UNC13C: variants seen among roughly 807,000 people sequenced by gnomAD.
The protein encoded by UNC13C is protein unc-13 homolog C.
UNC13C carries 174 observed loss-of-function variants against 245.4 expected under a neutral mutation model. That is an observed-to-expected ratio of 0.71 (90% CI 0.63 to 0.80). UNC13C has a LOEUF of 0.80. Among genes scored for constraint, UNC13C ranks in the 30% least tolerant of loss-of-function variants. UNC13C has a pLI of 0.00. For missense variants in UNC13C, 2,829 were observed against 2,602.9 expected (o/e 1.09, Z -1.89); for synonymous variants, 992 against 895.1 (o/e 1.11, Z -1.93).
At chr15:54,585,040 C>G (rs929723175) in intron 30 of UNC13C, among the ~76,000 whole-genome samples, 3 of 152,200 alleles carry the variant, frequency 2.0e-5, no homozygotes, top group East Asian at 3.8e-4. Flanking sequence ...CATTGGTTAT[C>G]CGATATGGGC....
At chr15:53,910,049 G>A in the UNC13C span, among the ~76,000 whole-genome samples, 2 of 144,178 alleles carry the variant, frequency 1.4e-5, no homozygotes, top group South Asian at 4.8e-4. Context: ...CTGGTGGTAG[G>A]GAAACTGTGC....
chr15:53,996,922 T>C (rs773386235), intron 1 of UNC13C, among the ~76,000 whole-genome samples: 1 of 152,044 alleles, frequency 6.6e-6, no homozygotes, highest in African/African-American at 2.4e-5. Flanking sequence ...TTATTTCTCA[T>C]GGGTGAGTAC....
chr15:54,301,689 T>A (rs2037587374), intron 13 of UNC13C, among the ~76,000 whole-genome samples: 2 of 152,330 alleles, frequency 1.3e-5, no homozygotes, highest in African/African-American at 4.8e-5. Context: ...AGTTTATCAT[T>A]GATGGGCATT....
chr15:54,455,028 C>CTCCCACTT (rs1370224068), intron 19 of UNC13C, among the ~76,000 whole-genome samples: 1 of 151,198 alleles, frequency 6.6e-6, no homozygotes, highest in African/African-American at 2.4e-5. Flanking sequence ...CATAGCTTAC[C>CTCCCACTT]TCCCACTTAT....
intron 8 of UNC13C, among the ~76,000 whole-genome samples, chr15:54,253,166 A>G (rs551119659): frequency 6.6e-6 from 1 of 152,340 alleles, no homozygotes; most frequent in South Asian, 2.1e-4. Flanking sequence ...AAGAGAGAGT[A>G]TGTCAAGTTA....
intron 1 of UNC13C, among the ~76,000 whole-genome samples, chr15:53,982,261 G>A (rs1157944611): frequency 2.0e-5 from 3 of 152,114 alleles, no homozygotes; most frequent in Non-Finnish European, 4.4e-5. Flanking sequence ...TCTGGTTCTT[G>A]AGAATCTGGG....
intron 2 of UNC13C, among the ~76,000 whole-genome samples, chr15:54,085,323 G>A (rs1899176688): frequency 6.6e-6 from 1 of 152,100 alleles, no homozygotes; most frequent in African/African-American, 2.4e-5. Flanking sequence ...ACTTTTGACA[G>A]GCCCTTAAAG....
chr15:53,896,846 T>C, the UNC13C span, among the ~76,000 whole-genome samples: 2 of 152,158 alleles, frequency 1.3e-5, no homozygotes, highest in African/African-American at 2.4e-5. Context: ...CTAAGGTGAA[T>C]AGAAACATCA....
the UNC13C span, among the ~76,000 whole-genome samples, chr15:53,933,854 G>T: frequency 6.6e-6 from 1 of 152,150 alleles, no homozygotes; most frequent in Non-Finnish European, 1.5e-5. Flanking sequence ...GAGAACTTCT[G>T]CAAGAATGAT....
chr15:53,981,647 C>CT (rs1372640098), intron 1 of UNC13C, among the ~76,000 whole-genome samples: 4 of 152,238 alleles, frequency 2.6e-5, no homozygotes, highest in Middle Eastern at 3.4e-3. Context: ...ATTAATAGCC[C>CT]TCTCAATCTG....
chr15:54,163,180 G>T (rs1396280848), intron 4 of UNC13C, among the ~76,000 whole-genome samples: 5 of 152,130 alleles, frequency 3.3e-5, no homozygotes, highest in African/African-American at 1.2e-4. Context: ...TAATTACAAA[G>T]GTCCTAATGA....
the UNC13C span, among the ~76,000 whole-genome samples, chr15:53,839,225 A>G: frequency 6.6e-6 from 1 of 151,942 alleles, no homozygotes; most frequent in South Asian, 2.1e-4. Flanking sequence ...CCATCCCCCA[A>G]TTAGGACTCA....
At chr15:54,275,699 G>T (rs1419612949) in intron 10 of UNC13C, among the ~76,000 whole-genome samples, 1 of 152,052 alleles carries the variant, frequency 6.6e-6, no homozygotes, top group Non-Finnish European at 1.5e-5. Flanking sequence ...AATTCTCATA[G>T]AACTGGAATT....
At chr15:54,229,231 C>T (rs569709555) in intron 4 of UNC13C, among the ~76,000 whole-genome samples, 74 of 152,314 alleles carry the variant, frequency 4.9e-4, no homozygotes, top group African/African-American at 1.8e-3. Flanking sequence ...GCCAAGGGAT[C>T]AGTGAGGGGT....
At position 54,308,653 on chromosome 15, in the gene UNC13C, C is replaced by T. The variant is rs184285674; in HGVS notation, c.4268+8280C>T. Among the ~76,000 whole-genome samples, 87 of 151,902 alleles carry T rather than the reference C, an allele frequency of 5.7e-4. 1 individual carries two copies. Among genetic ancestry groups the T allele is most frequent in the African/African-American group, 2.0e-3 (85 of 41,504 alleles). On this transcript the variant is annotated intron_variant, in intron 13 of 32. Transcript: ENST00000260323. The stretch of plus-strand genomic sequence containing the variant: ...GCTTTAACAAATATCTCCCAGCACC[C>T]ACCCTGCTAGCCAACTCCAGCTCCT...
At chr15:54,403,252 C>G (rs1222431411) in intron 18 of UNC13C, among the ~76,000 whole-genome samples, 10 of 152,056 alleles carry the variant, frequency 6.6e-5, no homozygotes. Flanking sequence ...ATGCTGATTT[C>G]AAGAGTTAAC....
At chr15:54,320,901 T>C in intron 13 of UNC13C, 1 of 338,574 alleles carries the variant, frequency 3.0e-6, no homozygotes, top group East Asian at 7.8e-5. Context: ...ATTGCCAAAA[T>C]TGTTGTAGCT....
At chr15:54,369,332 C>T (rs947863218) in intron 17 of UNC13C, among the ~76,000 whole-genome samples, 2 of 152,158 alleles carry the variant, frequency 1.3e-5, no homozygotes, top group African/African-American at 4.8e-5. Flanking sequence ...AAAAGCATTG[C>T]CTTTGCCGAA....
At chr15:54,536,526 C>CA (rs1427187279) in intron 26 of UNC13C, among the ~76,000 whole-genome samples, 1 of 151,796 alleles carries the variant, frequency 6.6e-6, no homozygotes, top group African/African-American at 2.4e-5. Context: ...AAAGACACAA[C>CA]AAAAAAGGAA....
Sources: gnomAD v4.1 joint callset for allele counts (sites outside exome capture counted in the v4.1 genomes callset) on GRCh38, gnomAD v4.1.1 for gene constraint, MANE v1.5 for transcripts, NCBI Gene and HGNC (gene_info 2026-07-23, HGNC 2026-07-21) for gene names.